MTMR2: variants seen among roughly 807,000 people sequenced by gnomAD.
MTMR2 encodes the protein myotubularin related protein 2.
In MTMR2, 55 loss-of-function variants were observed where a neutral mutation model predicts 86.9. That is an observed-to-expected ratio of 0.63 (90% CI 0.51 to 0.79). MTMR2 has a LOEUF of 0.79. Ranked by LOEUF, MTMR2 falls within the 30% of genes least tolerant of loss-of-function variation. The pLI, the probability that MTMR2 is intolerant of heterozygous loss-of-function variation, is 0.00. For synonymous variants in MTMR2, 241 were observed against 266.8 expected, an observed-to-expected ratio of 0.90 and a Z score of 0.94; for missense variants, 659 against 772.3, an observed-to-expected ratio of 0.85 and a Z score of 1.74.
At chr11:95,898,503 G>A (rs796603548) in intron 1 of MTMR2, among the ~76,000 whole-genome samples, 9 of 151,832 alleles carry the variant, frequency 5.9e-5, no homozygotes, top group Non-Finnish European at 5.9e-5. Flanking sequence ...ACAGTGAGAC[G>A]CTGTCTCTAC....
intron 2 of MTMR2, among the ~76,000 whole-genome samples, chr11:95,875,618 A>G (rs1177908909): frequency 2.6e-5 from 4 of 152,172 alleles, no homozygotes; most frequent in African/African-American, 9.7e-5. Flanking sequence ...TTCTCTGTCC[A>G]GCTTCGTTCC....
chr11:95,871,457 T>G (rs1289821856), intron 2 of MTMR2, among the ~76,000 whole-genome samples: 1 of 152,232 alleles, frequency 6.6e-6, no homozygotes, highest in African/African-American at 2.4e-5. Flanking sequence ...GGTATCTCAT[T>G]GTGGTTTTCA....
At chr11:95,876,847 G>A (rs539578268) in intron 2 of MTMR2, among the ~76,000 whole-genome samples, 10 of 151,528 alleles carry the variant, frequency 6.6e-5, no homozygotes, top group Non-Finnish European at 1.2e-4. Context: ...CACACACACA[G>A]GCACACAAAC....
At chr11:95,913,217 G>A (rs1215650275) in intron 1 of MTMR2, 4 of 152,118 alleles carry the variant, frequency 2.6e-5, no homozygotes, top group Non-Finnish European at 4.4e-5. Context: ...CTATAGACAG[G>A]AAATACAGTG....
chr11:95,845,109 C>T lies in MTMR2; in HGVS notation c.1230G>A (p.Lys410=). The stretch of plus-strand genomic sequence containing the variant: ...CACTGCAATGCACTACCACAGACGT[C>T]TTCCCTGACTCTACCTTGTCAGCAA... ...LRIADKVESG[K]TSVVVHCSDG... The change falls in exon 11 of 15, where the codon AAG becomes AAA. Residue 410 remains lysine (K), a synonymous_variant. Transcript: ENST00000346299. 1 of 1,613,988 alleles carries T rather than the reference C, an allele frequency of 6.2e-7. No individual in the cohort carries two copies. Among genetic ancestry groups the T allele is most frequent in the South Asian group, 1.1e-5 (1 of 91,088 alleles).
Position 95,905,343 on chromosome 11 carries a change from A to G in MTMR2, c.81-17082T>C, listed in dbSNP as rs1273389185. Reference sequence around the variant, plus strand: ...CGCACGCACCTGCGCACACACACACACACACACACACACACACACACACAC... The same window carrying G: ...CGCACGCACCTGCGCACACACACACGCACACACACACACACACACACACAC... On this transcript the variant is annotated intron_variant, in intron 1 of 14. Coordinates refer to ENST00000346299, the MANE Select transcript of MTMR2 (RefSeq NM_016156.6). Among the ~76,000 whole-genome samples, 1,279 of 149,102 alleles carry G rather than the reference A, an allele frequency of 8.6e-3. 8 individuals carry two copies. The highest frequency in any genetic ancestry group is 0.013 in the Non-Finnish European group (840 of 67,178).
chr11:95,919,896 C>G (rs1343730127), intron 1 of MTMR2, among the ~76,000 whole-genome samples: 4 of 151,926 alleles, frequency 2.6e-5, no homozygotes, highest in Non-Finnish European at 4.4e-5. Flanking sequence ...ACAAACTAAT[C>G]AAAGAAACCC....
In MTMR2 at chr11:95,868,599, TAATC is replaced by T. The variant is rs541920411; in HGVS notation, c.187-2927_187-2924del. On this transcript the variant is annotated intron_variant, in intron 2 of 14. Coordinates refer to ENST00000346299, the MANE Select transcript of MTMR2 (RefSeq NM_016156.6). ...TGTATTTTCTAAAGGAAAAAAAAAA[TAATC>T]AAGAGGAGCAAAAAGTCCAATATAT... 2.6e-3 allele frequency among the ~76,000 whole-genome samples: 393 copies of T among 151,092 alleles called. 5 individuals carry two copies. The highest frequency in any genetic ancestry group is 9.0e-3 in the African/African-American group (370 of 41,224).
chr11:95,835,207 C>T lies in MTMR2; in HGVS notation c.*83G>A, dbSNP rs1004458967. On this transcript the variant is annotated 3_prime_UTR_variant, in exon 15 of 15. Coordinates refer to ENST00000346299, the MANE Select transcript of MTMR2 (RefSeq NM_016156.6). ...CTGAACTTTCTCTCATAGATGGGTTCTAAATTCCGAAGACTTTCTACTCAT... is the reference window on the plus strand; with the variant it reads ...CTGAACTTTCTCTCATAGATGGGTTTTAAATTCCGAAGACTTTCTACTCAT... The T allele has an allele frequency of 4.2e-6, 6 of 1,420,008 alleles. No homozygotes were observed. The African/African-American group carries it at 7.1e-5, about 17-fold the overall frequency. The allele number at this position is 1,420,008 out of a possible 1,614,324, so 88.0% of individuals were successfully genotyped here. A position where few individuals can be genotyped will look rare whatever the true frequency, so the allele number is the denominator to read the frequency against.
chr11:95,882,775 T>C (rs1279145375), intron 2 of MTMR2, among the ~76,000 whole-genome samples: 1 of 148,918 alleles, frequency 6.7e-6, no homozygotes, highest in African/African-American at 2.5e-5. Flanking sequence ...CAGGCTGGAG[T>C]GCAGTGGCAC....
chr11:95,902,367 T>C (rs1156475849), intron 1 of MTMR2, among the ~76,000 whole-genome samples: 1 of 152,158 alleles, frequency 6.6e-6, no homozygotes, highest in Non-Finnish European at 1.5e-5. Context: ...GCCTCTCCAA[T>C]ACCATTAGCA....
At chr11:95,883,547 A>C (rs1865414066) in intron 2 of MTMR2, among the ~76,000 whole-genome samples, 1 of 152,242 alleles carries the variant, frequency 6.6e-6, no homozygotes. Context: ...AGAAAAGCAC[A>C]ATTCCATTTA....
At chr11:95,912,063 T>C (rs191774972) in intron 1 of MTMR2, among the ~76,000 whole-genome samples, 209 of 147,120 alleles carry the variant, frequency 1.4e-3, no homozygotes, top group African/African-American at 4.8e-3. Context: ...TTCAAAGTCA[T>C]ATAAATGAAG....
At chr11:95,898,765 T>C (rs996329910) in intron 1 of MTMR2, among the ~76,000 whole-genome samples, 4 of 152,132 alleles carry the variant, frequency 2.6e-5, no homozygotes, top group Admixed American at 6.6e-5. Flanking sequence ...CATATAAAGT[T>C]TTAATTTAGA....
intron 2 of MTMR2, among the ~76,000 whole-genome samples, chr11:95,878,516 C>T (rs143749432): frequency 1.3e-4 from 20 of 152,078 alleles, no homozygotes; most frequent in African/African-American, 1.7e-4. Flanking sequence ...GTACAGTCAA[C>T]GTAATAAATA....
intron 7 of MTMR2, among the ~76,000 whole-genome samples, chr11:95,852,587 A>C (rs1338076729): frequency 6.6e-6 from 1 of 152,158 alleles, no homozygotes; most frequent in Admixed American, 6.5e-5. Flanking sequence ...TGTGGTCTAC[A>C]TATTTCCCTC....
intron 11 of MTMR2, among the ~76,000 whole-genome samples, chr11:95,842,698 G>A (rs558089470): frequency 6.6e-6 from 1 of 152,310 alleles, no homozygotes; most frequent in East Asian, 1.9e-4. Context: ...CTTTTTCAGT[G>A]TGTTGGCATT....
Position 95,847,879 on chromosome 11 carries a change from T to C in MTMR2, c.1014A>G (p.Glu338=). 1.2e-6 allele frequency: 2 copies of C among 1,613,746 alleles called. No individual in the cohort carries two copies. Among genetic ancestry groups the C allele is most frequent in the South Asian group, 1.1e-5 (1 of 91,070 alleles). The change falls in exon 10 of 15, where the codon GAA becomes GAG. Residue 338 remains glutamate, a synonymous_variant. Transcript: ENST00000346299. ...VANKAKGGGY[E]SEDAYQNAEL... ...CAGCATTTTGATAGGCATCTTCACT[T>C]TCATAACCTCCACCCTTTGCCTGGA...
chr11:95,870,737 C>CT (rs1300942795), intron 2 of MTMR2, among the ~76,000 whole-genome samples: 1,935 of 125,034 alleles, frequency 0.015, 21 homozygotes, highest in Non-Finnish European at 0.025. Flanking sequence ...TTTTCTTTTT[C>CT]TTTTTTTTTT....
Sources: allele counts gnomAD v4.1 joint callset (sites outside exome capture counted in the v4.1 genomes callset), GRCh38; gene constraint gnomAD v4.1.1; transcripts MANE v1.5; gene names NCBI Gene and HGNC (gene_info 2026-07-23, HGNC 2026-07-21).